Variants in BMPER observed in about 807,000 individuals in gnomAD.
BMPER encodes BMP binding endothelial regulator.
A neutral mutation model predicts 87.3 loss-of-function variants in BMPER; 45 were observed. The ratio of observed to expected loss-of-function variants is 0.52; its 90% confidence interval spans 0.41 to 0.66. BMPER has a LOEUF of 0.66. BMPER is among the 30% of genes least tolerant of loss of function. The pLI is 0.00. For synonymous variants in BMPER, 326 were observed against 316.2 expected (o/e 1.03, Z -0.33); for missense variants, 784 against 867.5 (o/e 0.90, Z 1.21).
intron 6 of BMPER, among the ~76,000 whole-genome samples, chr7:34,041,459 C>G (rs1005397589): frequency 1.3e-5 from 2 of 152,054 alleles, no homozygotes; most frequent in African/African-American, 4.8e-5. Context: ...CTTTGCAGAC[C>G]AAAAACAGGG....
In BMPER at chr7:33,961,017, G is replaced by A. The variant is rs78642274; in HGVS notation, c.320-5462G>A. Among the ~76,000 whole-genome samples, 756 of 152,266 alleles carry A rather than the reference G, an allele frequency of 5.0e-3. 18 individuals are homozygous for A. Among genetic ancestry groups the A allele is most frequent in the East Asian group, 0.045 (231 of 5,168 alleles). The stretch of plus-strand genomic sequence containing the variant: ...TCTTGAAAAAGGATGAGTGAGGCAA[G>A]GAAGGAAAGTTTGGGTGACCTAGGT... On this transcript the variant is annotated intron_variant, in intron 3 of 14. Transcript: ENST00000649409.
At chr7:33,935,482 G>A (rs1042384721) in intron 2 of BMPER, among the ~76,000 whole-genome samples, 5 of 152,144 alleles carry the variant, frequency 3.3e-5, no homozygotes, top group Admixed American at 1.3e-4. Flanking sequence ...GGGTTGTAAT[G>A]TGCAGCTAAG....
intron 13 of BMPER, among the ~76,000 whole-genome samples, chr7:34,122,100 G>A (rs1790278039): frequency 7.1e-6 from 1 of 141,000 alleles, no homozygotes; most frequent in Non-Finnish European, 1.5e-5. Flanking sequence ...TCCAGCTTGG[G>A]CAATTGTGGG....
chr7:34,125,222 G>T (rs1403482366), intron 13 of BMPER, among the ~76,000 whole-genome samples: 1 of 152,036 alleles, frequency 6.6e-6, no homozygotes, highest in African/African-American at 2.4e-5. Flanking sequence ...TCTCTAGTGG[G>T]TAATGCCATT....
intron 5 of BMPER, among the ~76,000 whole-genome samples, chr7:33,971,121 T>C (rs1448444708): frequency 6.6e-6 from 1 of 151,854 alleles, no homozygotes; most frequent in Admixed American, 6.5e-5. Flanking sequence ...TTTGTTTTTT[T>C]GTTTTTTTTT....
At chr7:34,051,764 A>T in intron 7 of BMPER, 97 bp from the exon 8 acceptor site, 2 of 1,076,226 alleles carry the variant, frequency 1.9e-6, no homozygotes, top group Admixed American at 3.5e-5. Context: ...ACGTGGTCTT[A>T]TAAGAATGTA....
Position 34,075,830 on chromosome 7 carries a change from C to G in BMPER, c.1079-3027C>G, listed in dbSNP as rs1788850035. 2.6e-5 allele frequency among the ~76,000 whole-genome samples: 4 copies of G among 152,318 alleles called. No individual in the cohort carries two copies. In the South Asian group the frequency reaches 8.3e-4, roughly 32 times the overall value. On this transcript the variant is annotated intron_variant, in intron 11 of 14. Transcript: ENST00000649409. ...TGCAGCCAGGCAGATTCTTGTAACA[C>G]TGAGAATTCTCACTTGCAGACACTC...
chr7:33,906,357 C>T (rs1421382711), intron 1 of BMPER, among the ~76,000 whole-genome samples: 2 of 152,154 alleles, frequency 1.3e-5, no homozygotes, highest in African/African-American at 4.8e-5. Flanking sequence ...GTGATTTAAA[C>T]CTAAGACAAT....
At chr7:34,129,622 G>GAGAGAGAGAGAA (rs1790512934) in intron 13 of BMPER, among the ~76,000 whole-genome samples, 1 of 67,132 alleles carries the variant, frequency 1.5e-5, no homozygotes, top group Non-Finnish European at 2.8e-5. Flanking sequence ...GAGAGAGAGA[G>GAGAGAGAGAGAA]AGAAAGAGAG....
intron 2 of BMPER, among the ~76,000 whole-genome samples, chr7:33,933,971 C>T (rs1784541578): frequency 6.6e-6 from 1 of 152,148 alleles, no homozygotes; most frequent in Non-Finnish European, 1.5e-5. Flanking sequence ...AGCACAGAGC[C>T]TGAACACACA....
intron 12 of BMPER, among the ~76,000 whole-genome samples, chr7:34,084,195 G>A (rs917016129): frequency 6.6e-6 from 1 of 152,158 alleles, no homozygotes; most frequent in Non-Finnish European, 1.5e-5. Flanking sequence ...CAGCTACTCG[G>A]GAGGCTGAGG....
At chr7:33,925,704 A>G (rs1784341159) in intron 2 of BMPER, among the ~76,000 whole-genome samples, 1 of 152,190 alleles carries the variant, frequency 6.6e-6, no homozygotes, top group Non-Finnish European at 1.5e-5. Flanking sequence ...CCTGTGATAT[A>G]TGTGAAACAA....
At chr7:33,938,401 C>A (rs975292187) in intron 3 of BMPER, among the ~76,000 whole-genome samples, 5 of 152,100 alleles carry the variant, frequency 3.3e-5, no homozygotes, top group Middle Eastern at 3.2e-3. Context: ...TTGGGTGGCC[C>A]CAAATCCAAT....
At chr7:33,946,305 A>C (rs555352974) in intron 3 of BMPER, among the ~76,000 whole-genome samples, 26 of 152,338 alleles carry the variant, frequency 1.7e-4, no homozygotes, top group African/African-American at 5.1e-4. Flanking sequence ...TGGGCATTAC[A>C]ATTCAAGATA....
rs564976390 is a variant in BMPER at position 34,128,786 on chromosome 7, G to C, written c.1746-14444G>C. On this transcript the variant is annotated intron_variant, in intron 13 of 14. Transcript: ENST00000649409. ...TAATATATAAGAAAACTTCCTGAGA[G>C]ATAGAAGCTGTCATTGTCTATCACA... 9.2e-5 allele frequency among the ~76,000 whole-genome samples: 14 copies of C among 152,272 alleles called. No individual in the cohort carries two copies. In the South Asian group the frequency reaches 2.9e-3, roughly 32 times the overall value.
At chr7:34,134,096 C>T (rs1236561058) in intron 13 of BMPER, among the ~76,000 whole-genome samples, 2 of 152,118 alleles carry the variant, frequency 1.3e-5, no homozygotes, top group Non-Finnish European at 2.9e-5. Flanking sequence ...CTGCCCTTTC[C>T]AGAAGCCTGC....
At chr7:33,906,306 C>T (rs1207692174) in intron 1 of BMPER, among the ~76,000 whole-genome samples, 2 of 152,138 alleles carry the variant, frequency 1.3e-5, no homozygotes, top group Admixed American at 6.5e-5. Flanking sequence ...AATATGGAGT[C>T]AATTTCTAAG....
intron 11 of BMPER, among the ~76,000 whole-genome samples, chr7:34,078,412 G>A (rs1156710973): frequency 1.3e-5 from 2 of 152,054 alleles, no homozygotes; most frequent in Non-Finnish European, 2.9e-5. Context: ...AGCACACCAT[G>A]TTTCTAATTT....
At chr7:34,049,036 T>C (rs1482350011) in intron 7 of BMPER, among the ~76,000 whole-genome samples, 2 of 152,208 alleles carry the variant, frequency 1.3e-5, no homozygotes, top group Non-Finnish European at 1.5e-5. Flanking sequence ...AGACTTTAGA[T>C]GATTGGGTGC....
Sources: allele counts gnomAD v4.1 joint callset (sites outside exome capture counted in the v4.1 genomes callset), GRCh38; gene constraint gnomAD v4.1.1; transcripts MANE v1.5; gene names NCBI Gene and HGNC (gene_info 2026-07-23, HGNC 2026-07-21).